Variants in CACNA2D4 observed in about 807,000 individuals in gnomAD.
CACNA2D4 encodes voltage-dependent calcium channel subunit alpha-2/delta-4.
In CACNA2D4, 157 loss-of-function variants were observed where a neutral mutation model predicts 163.8. The observed-to-expected ratio is 0.96, with a 90% CI of 0.84 to 1.09. CACNA2D4 has a LOEUF of 1.09. CACNA2D4 is among the 50% of genes least tolerant of loss of function. The probability of loss-of-function intolerance (pLI) is 0.00; values close to 1 mark genes in which losing one functional copy is unlikely to be tolerated. For missense variants in CACNA2D4, 1,410 were observed against 1,479.9 expected (o/e 0.95, Z 0.78); for synonymous variants, 598 against 586.9 (o/e 1.02, Z -0.27).
chr12:1,907,306 C>T (rs951257765), intron 6 of CACNA2D4, 134 bp downstream of exon 6: 3 of 735,034 alleles, frequency 4.1e-6, no homozygotes, highest in African/African-American at 3.5e-5. Context: ...AAAGTGTGGG[C>T]TTGGAGATGC....
intron 26 of CACNA2D4, among the ~76,000 whole-genome samples, chr12:1,840,443 G>GT (rs921984126): frequency 5.2e-4 from 4 of 7,632 alleles, no homozygotes; most frequent in Admixed American, 3.8e-3. Flanking sequence ...ATGTGGAAGA[G>GT]GGGGGTGGGT....
intron 6 of CACNA2D4, among the ~76,000 whole-genome samples, chr12:1,892,383 C>A (rs1189298042): frequency 1.3e-5 from 2 of 152,182 alleles, no homozygotes; most frequent in East Asian, 3.8e-4. Context: ...GAATTCATCA[C>A]CACTAGACTT....
chr12:1,811,847 G>T, intron 26 of CACNA2D4, 124 bp from the exon 27 acceptor site: 1 of 913,054 alleles, frequency 1.1e-6, no homozygotes, highest in Non-Finnish European at 1.7e-6. Flanking sequence ...CGGATGGGAG[G>T]ACTGAGTCAG....
chr12:1,854,500 G>A (rs1865358627), intron 22 of CACNA2D4, among the ~76,000 whole-genome samples: 1 of 152,180 alleles, frequency 6.6e-6, no homozygotes, highest in Non-Finnish European at 1.5e-5. Flanking sequence ...CCGCCTCCCA[G>A]GTTTAAGCAA....
intron 6 of CACNA2D4, among the ~76,000 whole-genome samples, chr12:1,900,504 T>C (rs1866511734): frequency 6.6e-6 from 1 of 152,192 alleles, no homozygotes; most frequent in Non-Finnish European, 1.5e-5. Context: ...ATTCATTGCT[T>C]GTGGGAATAT....
chr12:1,813,379 C>G (rs1332988595), intron 26 of CACNA2D4, among the ~76,000 whole-genome samples: 1 of 152,110 alleles, frequency 6.6e-6, no homozygotes, highest in Non-Finnish European at 1.5e-5. Context: ...GAACCCCCGT[C>G]CTAAAGCCTC....
At chr12:1,830,141 G>A (rs1274866034) in intron 26 of CACNA2D4, among the ~76,000 whole-genome samples, 1 of 152,260 alleles carries the variant, frequency 6.6e-6, no homozygotes, top group African/African-American at 2.4e-5. Flanking sequence ...AGAAGCCCAG[G>A]CTGAGAGCCT....
Position 1,891,961 on chromosome 12 carries a change from T to G in CACNA2D4, c.782-4892A>C, listed in dbSNP as rs559051770. Among the ~76,000 whole-genome samples the G allele has an allele frequency of 1.9e-4, 29 of 152,310 alleles. 1 individual carries two copies. Among genetic ancestry groups the G allele is most frequent in the African/African-American group, 6.5e-4 (27 of 41,570 alleles). The stretch of plus-strand genomic sequence containing the variant: ...AGTGGCCAAATGTTCACATTTTTGG[T>G]GTCCCATAAGGCAAAAGAAACAAAA... On this transcript the variant is annotated intron_variant, in intron 6 of 37. Coordinates refer to ENST00000382722, the MANE Select transcript of CACNA2D4 (RefSeq NM_172364.5).
Position 1,793,725 on chromosome 12 carries a change from G to C in CACNA2D4, c.3344C>G (p.Thr1115Ser), listed in dbSNP as rs751418941. Reference sequence around the variant, plus strand: ...CAGGAGTAGGGGCGGCGAGGCTGAGGTGTCCGAGGCGCCGCCGCAGTCCTG... The same window carrying C: ...CAGGAGTAGGGGCGGCGAGGCTGAGCTGTCCGAGGCGCCGCCGCAGTCCTG... ...NAQDCGGASD[T>S]SASPPLLLLP... is the part of the protein sequence containing the mutation. The change falls in exon 38 of 38, where the codon ACC (threonine) becomes AGC (serine). Residue 1115 changes from threonine to serine, a missense_variant. Coordinates refer to ENST00000382722, the MANE Select transcript of CACNA2D4 (RefSeq NM_172364.5). 6.2e-7 allele frequency: 1 copy of C among 1,613,400 alleles called. No individual in the cohort carries two copies. The highest frequency in any genetic ancestry group is 8.5e-7 in the Non-Finnish European group (1 of 1,179,894).
At chr12:1,811,205 C>T (rs933051699) in intron 27 of CACNA2D4, among the ~76,000 whole-genome samples, 16 of 152,154 alleles carry the variant, frequency 1.1e-4, no homozygotes, top group Non-Finnish European at 2.9e-5. Context: ...AAGGGGGCAG[C>T]TCAGAAGCCC....
At chr12:1,862,931 TC>T (rs1187214898) in intron 18 of CACNA2D4, among the ~76,000 whole-genome samples, 1 of 152,242 alleles carries the variant, frequency 6.6e-6, no homozygotes, top group African/African-American at 2.4e-5. Flanking sequence ...ACTTTTACTT[TC>T]AATGAAGTCT....
At position 1,827,845 on chromosome 12, in the gene CACNA2D4, C is replaced by T. The variant is rs563669069; in HGVS notation, c.2551+12894G>A. On this transcript the variant is annotated intron_variant, in intron 26 of 37. Transcript: ENST00000382722. ...GCCCATGGGTGCACCCCCAGCTTTG[C>T]GGCACTGTGCCCGACCCTCGGGCTC... 277 of 350,586 alleles carry T rather than the reference C, an allele frequency of 7.9e-4. 1 individual carries two copies. The highest frequency in any genetic ancestry group is 4.3e-3 in the East Asian group (101 of 23,606). The allele number at this position is 350,586 out of a possible 1,614,324, so 21.7% of individuals were successfully genotyped here. A position where few individuals can be genotyped will look rare whatever the true frequency, so the allele number is the denominator to read the frequency against.
rs199937116 is a variant in CACNA2D4, at chr12:1,795,334, G to C, written c.3274C>G (p.Arg1092Gly). 22 of 1,612,772 alleles carry C rather than the reference G, an allele frequency of 1.4e-5. No homozygotes were observed. The African/African-American group carries it at 1.7e-4, about 13-fold the overall frequency. Residue 1092 changes from arginine to glycine, a missense_variant, in exon 37 of 38, where the codon CGG (arginine) becomes GGG (glycine). Coordinates refer to ENST00000382722, the MANE Select transcript of CACNA2D4 (RefSeq NM_172364.5). ...CDRMRSQKLR[R>G]RPDSCHAFHP... ...AAGGCGTGGCAGGAGTCTGGTCGCCGGCGGAGCTTCTGGGAGCGCATCCGG... is the reference window on the plus strand; with the variant it reads ...AAGGCGTGGCAGGAGTCTGGTCGCCCGCGGAGCTTCTGGGAGCGCATCCGG...
intron 29 of CACNA2D4, among the ~76,000 whole-genome samples, chr12:1,803,170 T>C (rs577789386): frequency 6.6e-6 from 1 of 152,386 alleles, no homozygotes; most frequent in African/African-American, 2.4e-5. Context: ...CCAGGCATTG[T>C]CTGGGTGCCC....
chr12:1,822,888 G>A (rs1346837780), intron 26 of CACNA2D4, among the ~76,000 whole-genome samples: 1 of 152,152 alleles, frequency 6.6e-6, no homozygotes, highest in Non-Finnish European at 1.5e-5. Flanking sequence ...CTTTGGCCCG[G>A]GGCTCTGGCT....
chr12:1,824,774 T>C (rs1231545756), intron 26 of CACNA2D4, among the ~76,000 whole-genome samples: 1 of 152,174 alleles, frequency 6.6e-6, no homozygotes, highest in African/African-American at 2.4e-5. Context: ...GGAAGGGTCC[T>C]TTGGATGGAG....
In CACNA2D4 at chr12:1,918,397, G is replaced by A. The variant is rs552029938; in HGVS notation, c.77C>T (p.Ala26Val). ...PTMPATPNFLANPSSSSRWIP... is the reference protein window; with the variant it reads ...PTMPATPNFLVNPSSSSRWIP... The stretch of plus-strand genomic sequence containing the variant: ...CCAGCGGCTGCTGGAGCTGGGGTTT[G>A]CGAGGAAGTTGGGAGTTGCAGGCAT... Residue 26 changes from alanine to valine, a missense_variant, in exon 1 of 38, where the codon GCA (alanine) becomes GTA (valine). Physicochemically the swap from Ala to Val is moderately conservative, Grantham distance 64 (BLOSUM62 0). Coordinates refer to ENST00000382722, the MANE Select transcript of CACNA2D4 (RefSeq NM_172364.5). The A allele has an allele frequency of 6.3e-7, 1 of 1,599,824 alleles. No homozygotes were observed. The highest frequency in any genetic ancestry group is 8.5e-7 in the Non-Finnish European group (1 of 1,173,656).
chr12:1,810,710 A>T, intron 27 of CACNA2D4, 123 bp from the exon 28 acceptor site: 2 of 986,846 alleles, frequency 2.0e-6, no homozygotes, highest in Non-Finnish European at 3.1e-6. Context: ...TGGGGTGTGT[A>T]TCTGCACATG....
Position 1,828,020 on chromosome 12 carries a change from TG to T in CACNA2D4, c.2551+12718del. Reference sequence around the variant, plus strand: ...ACACCCGGGCCCTCTCCCTAACCCCTGGGCTGGAACGGGGCTCCCGCGCCTG... The same window carrying T: ...ACACCCGGGCCCTCTCCCTAACCCCTGGCTGGAACGGGGCTCCCGCGCCTG... On this transcript the variant is annotated intron_variant, in intron 26 of 37. Transcript: ENST00000382722. The surrounding 1 kb of genome is among the most constrained non-coding windows in gnomAD (Gnocchi z 4.2). 2 of 759,452 alleles carry T rather than the reference TG, an allele frequency of 2.6e-6. No individual in the cohort carries two copies. Among genetic ancestry groups the T allele is most frequent in the Non-Finnish European group, 2.0e-6 (1 of 507,748 alleles). The allele number at this position is 759,452 out of a possible 1,614,324, so 47.0% of individuals were successfully genotyped here.
Sources: allele counts gnomAD v4.1 joint callset (sites outside exome capture counted in the v4.1 genomes callset), GRCh38; gene constraint gnomAD v4.1.1; non-coding constraint Gnocchi (gnomAD v3.1); transcripts MANE v1.5; gene names NCBI Gene and HGNC (gene_info 2026-07-23, HGNC 2026-07-21).